Variants in SOX6 observed in about 807,000 individuals in gnomAD.
The protein encoded by SOX6 is SRY-box transcription factor 6.
Under a neutral mutation model 97.8 loss-of-function variants are expected in SOX6, and 11 were observed. That is an observed-to-expected ratio of 0.11 (90% confidence interval 0.07 to 0.19). The LOEUF is 0.19. Among genes scored for constraint, SOX6 ranks in the 10% least tolerant of loss-of-function variants. The probability of loss-of-function intolerance (pLI) is 1.00; values close to 1 mark genes in which losing one functional copy is unlikely to be tolerated. For synonymous variants in SOX6, 360 were observed against 371.4 expected (o/e 0.97, Z 0.35); for missense variants, 810 against 1,039.5 (o/e 0.78, Z 3.04).
At chr11:16,586,585 TG>T (rs1395815214) in intron 4 of SOX6, among the ~76,000 whole-genome samples, 1 of 152,098 alleles carries the variant, frequency 6.6e-6, no homozygotes, top group East Asian at 1.9e-4. Flanking sequence ...CTGGACATGG[TG>T]GTGTTCACCT....
chr11:16,206,945 C>T (rs1176682029), intron 4 of SOX6, among the ~76,000 whole-genome samples: 1 of 152,092 alleles, frequency 6.6e-6, no homozygotes, highest in Non-Finnish European at 1.5e-5. Context: ...CCAGACTTTC[C>T]AACATGATAT....
At chr11:16,472,446 T>A (rs1565156489) in intron 1 of SOX6, among the ~76,000 whole-genome samples, 1 of 152,198 alleles carries the variant, frequency 6.6e-6, no homozygotes. Flanking sequence ...TTTATATTTC[T>A]TTCTCCATCT....
At chr11:16,351,171 C>A (rs765327518) in intron 1 of SOX6, among the ~76,000 whole-genome samples, 3 of 152,070 alleles carry the variant, frequency 2.0e-5, no homozygotes, top group Non-Finnish European at 4.4e-5. Flanking sequence ...CACCTTAAAA[C>A]TAGATTCATC....
At chr11:16,239,091 A>C (rs1266383525) in intron 3 of SOX6, among the ~76,000 whole-genome samples, 1 of 152,094 alleles carries the variant, frequency 6.6e-6, no homozygotes, top group Non-Finnish European at 1.5e-5. Context: ...AGAGTTGCAC[A>C]TGCCAGTTAC....
intron 3 of SOX6, among the ~76,000 whole-genome samples, chr11:16,702,337 A>T (rs1249881734): frequency 1.3e-5 from 2 of 152,210 alleles, no homozygotes; most frequent in Non-Finnish European, 2.9e-5. Flanking sequence ...CAGGTATCTT[A>T]TATCAACCTA....
At chr11:16,602,782 G>T (rs887295248) in intron 4 of SOX6, among the ~76,000 whole-genome samples, 1 of 152,052 alleles carries the variant, frequency 6.6e-6, no homozygotes, top group Non-Finnish European at 1.5e-5. Flanking sequence ...AGCACTTTGG[G>T]AGGCCGAGGC....
At chr11:15,973,873 C>G (rs1783199942) in intron 15 of SOX6, among the ~76,000 whole-genome samples, 1 of 152,122 alleles carries the variant, frequency 6.6e-6, no homozygotes, top group Non-Finnish European at 1.5e-5. Flanking sequence ...CCAGTTCATT[C>G]CTCCATAATG....
intron 1 of SOX6, among the ~76,000 whole-genome samples, chr11:16,403,288 G>A (rs891253693): frequency 6.6e-6 from 1 of 151,654 alleles, no homozygotes; most frequent in Non-Finnish European, 1.5e-5. Context: ...GCTAAACAGA[G>A]AACTTAATTG....
At chr11:16,432,301 T>C (rs1027995056) in intron 1 of SOX6, among the ~76,000 whole-genome samples, 2 of 152,116 alleles carry the variant, frequency 1.3e-5, no homozygotes, top group Non-Finnish European at 2.9e-5. Context: ...TTAAGAAAGT[T>C]CAGAACTCCA....
At chr11:16,301,302 C>T (rs996313705) in intron 3 of SOX6, among the ~76,000 whole-genome samples, 4 of 152,144 alleles carry the variant, frequency 2.6e-5, no homozygotes, top group African/African-American at 4.8e-5. Flanking sequence ...TAACCGATCA[C>T]GAAGATGGCT....
At chr11:16,254,938 A>G (rs192069987) in intron 3 of SOX6, among the ~76,000 whole-genome samples, 21 of 152,178 alleles carry the variant, frequency 1.4e-4, no homozygotes, top group Admixed American at 1.2e-3. Flanking sequence ...AGAAAGATAT[A>G]CCATGCTAAC....
At chr11:16,636,139 T>C (rs377660178) in intron 3 of SOX6, among the ~76,000 whole-genome samples, 4 of 152,132 alleles carry the variant, frequency 2.6e-5, no homozygotes, top group East Asian at 3.9e-4. Flanking sequence ...GCTTGCACCA[T>C]ACTCCTAGAA....
chr11:16,048,226 C>T (rs988829460), intron 11 of SOX6, among the ~76,000 whole-genome samples: 10 of 152,236 alleles, frequency 6.6e-5, no homozygotes, highest in African/African-American at 2.4e-4. Flanking sequence ...AAAAATCCGG[C>T]CAAGGGGCAT....
At position 16,517,850 on chromosome 11, in the gene SOX6, G is replaced by A. The variant is rs147342830; in HGVS notation, n.610-41462C>T. On this transcript the variant is annotated intron_variant and non_coding_transcript_variant, in intron 4 of 5. Coordinates refer to the SOX6 transcript ENST00000524520. ...TCTGTCACTAGGTTCATTTCCAAAT[G>A]AAATATTTGTCATTATTTATGCCAT... Among the ~76,000 whole-genome samples, 394 of 152,268 alleles carry A rather than the reference G, an allele frequency of 2.6e-3. 7 individuals are homozygous for A. Among genetic ancestry groups the A allele is most frequent in the Admixed American group, 0.021 (319 of 15,296 alleles).
chr11:16,408,637 A>G (rs1307521941), intron 1 of SOX6: 5 of 152,154 alleles, frequency 3.3e-5, no homozygotes, highest in Admixed American at 1.3e-4. Flanking sequence ...GTTTTAAACT[A>G]TTTTTTACAG....
At chr11:16,046,796 G>T in intron 11 of SOX6, 95 bp from the exon 12 acceptor site, 1 of 1,248,802 alleles carries the variant, frequency 8.0e-7, no homozygotes, top group Non-Finnish European at 1.1e-6. Flanking sequence ...TGCATTCTCT[G>T]AACAAGGAAG....
chr11:15,986,119 C>T, intron 15 of SOX6, 85 bp downstream of exon 15: 1 of 1,249,880 alleles, frequency 8.0e-7, no homozygotes, highest in Non-Finnish European at 1.2e-6. Flanking sequence ...TCCCTAATCT[C>T]CTTCCCAAAC....
chr11:16,288,867 C>T (rs541330403), intron 3 of SOX6, among the ~76,000 whole-genome samples: 13 of 152,046 alleles, frequency 8.6e-5, no homozygotes, highest in African/African-American at 3.1e-4. Flanking sequence ...TTCTTAGTCT[C>T]CATTAAACAA....
chr11:16,488,912 A>G (rs892902275), intron 4 of SOX6, among the ~76,000 whole-genome samples: 12 of 152,180 alleles, frequency 7.9e-5, no homozygotes, highest in African/African-American at 2.4e-4. Context: ...CCAAGTTTAC[A>G]GGCAAGGAAA....
Sources: gnomAD v4.1 joint callset for allele counts (sites outside exome capture counted in the v4.1 genomes callset) on GRCh38, gnomAD v4.1.1 for gene constraint, MANE v1.5 for transcripts, NCBI Gene and HGNC (gene_info 2026-07-23, HGNC 2026-07-21) for gene names.